Variants in NLGN4X observed in about 807,000 individuals in gnomAD.
NLGN4X encodes neuroligin 4 X-linked.
In NLGN4X, 3 loss-of-function variants were observed where a neutral mutation model predicts 40.3. The ratio of observed to expected loss-of-function variants is 0.07; its 90% CI spans 0.03 to 0.19. The LOEUF is 0.19. Ranked by LOEUF, NLGN4X falls within the 10% of genes least tolerant of loss-of-function variation. The pLI is 1.00. For synonymous variants in NLGN4X, 270 were observed against 306.8 expected (o/e 0.88, Z 1.25); for missense variants, 382 against 708.3 (o/e 0.54, Z 5.23).
At chrX:6,198,580 A>G (rs1323481046) in intron 1 of NLGN4X, among the ~76,000 whole-genome samples, 1 of 112,104 alleles carries the variant, frequency 8.9e-6, no homozygotes, top group Non-Finnish European at 1.9e-5. Context: ...GGAGCGCATC[A>G]TTAAGGCAAG....
chrX:6,212,223 C>T (rs1413556187), intron 1 of NLGN4X, among the ~76,000 whole-genome samples: 5 of 102,768 alleles, frequency 4.9e-5, no homozygotes, highest in Non-Finnish European at 7.9e-5. Flanking sequence ...CCAGCCTGGG[C>T]GACAGAGCAA....
At chrX:5,941,370 A>C (rs1305270217) in intron 3 of NLGN4X, among the ~76,000 whole-genome samples, 2 of 111,302 alleles carry the variant, frequency 1.8e-5, no homozygotes, top group Non-Finnish European at 1.9e-5. Flanking sequence ...TCCATGGATC[A>C]GATTGCTTCT....
At chrX:6,014,221 G>A (rs1303715441) in intron 3 of NLGN4X, among the ~76,000 whole-genome samples, 2 of 110,778 alleles carry the variant, frequency 1.8e-5, no homozygotes, top group Non-Finnish European at 3.8e-5. Context: ...CTTAAGATGA[G>A]AACTTAACCC....
At chrX:5,949,296 C>T (rs1460892836) in intron 3 of NLGN4X, among the ~76,000 whole-genome samples, 2 of 111,984 alleles carry the variant, frequency 1.8e-5, no homozygotes, top group Admixed American at 1.9e-4. Flanking sequence ...TGGAAGAGCA[C>T]ACTACACTAA....
chrX:5,913,911 A>G (rs2032640326), intron 3 of NLGN4X, among the ~76,000 whole-genome samples: 1 of 111,576 alleles, frequency 9.0e-6, no homozygotes, highest in African/African-American at 3.3e-5. Flanking sequence ...TGGTTTTATA[A>G]ATGGCAGTTC....
In NLGN4X at chrX:6,172,797, ATAAG is replaced by A. The variant is rs1489882736; in HGVS notation, c.-305-21030_-305-21027del. Among the ~76,000 whole-genome samples the A allele has an allele frequency of 4.5e-5, 5 of 112,215 alleles. No homozygotes were observed. In the East Asian group the frequency reaches 1.4e-3, roughly 31 times the overall value. On this transcript the variant is annotated intron_variant, in intron 1 of 5. Transcript: ENST00000381095. Reference sequence around the variant, plus strand: ...AGCAGGTGAACATATTGTACAGTAAATAAGTAATAGGCCCAAATGGCCTCCAAAT... The same window carrying A: ...AGCAGGTGAACATATTGTACAGTAAATAATAGGCCCAAATGGCCTCCAAAT...
At position 6,004,542 on chromosome X, in the gene NLGN4X, AG is replaced by A. The variant is rs757226900; in HGVS notation, c.625+24737del. Among the ~76,000 whole-genome samples, 15 of 112,359 alleles carry A rather than the reference AG, an allele frequency of 1.3e-4. No homozygotes were observed. The East Asian group carries it at 3.6e-3, about 27-fold the overall frequency. On this transcript the variant is annotated intron_variant, in intron 3 of 5. Transcript: ENST00000381095. ...CACAGAAATAGTACAAGTTATAGAG[AG>A]GAAATGAAAACGAAATGTTTCATTT...
chrX:6,041,346 C>T (rs1380282600), intron 2 of NLGN4X, among the ~76,000 whole-genome samples: 2 of 111,747 alleles, frequency 1.8e-5, no homozygotes, highest in Admixed American at 9.5e-5. Context: ...TTGAGATGCT[C>T]GGCTTTGAGA....
At chrX:6,220,198 C>T (rs147026068) in intron 1 of NLGN4X, among the ~76,000 whole-genome samples, 3 of 111,007 alleles carry the variant, frequency 2.7e-5, no homozygotes, top group African/African-American at 9.8e-5. Flanking sequence ...CAAACTCTAC[C>T]ACCCCTCACA....
At position 6,151,142 on chromosome X, in the gene NLGN4X, C is replaced by T; in HGVS notation, c.325G>A (p.Val109Met). The change falls in exon 2 of 6, where the codon GTG (valine) becomes ATG (methionine). Residue 109 changes from valine to methionine, a missense_variant. Val to Met is a conservative substitution (Grantham distance 21). Coordinates refer to ENST00000381095, the MANE Select transcript of NLGN4X (RefSeq NM_181332.3). ...CTCTCATCCAGGTGCTGGGGGCACA[C>T]AGCAGCAAACTGAGTAGTATTTCGG... ...GIRNTTQFAA[V>M]CPQHLDERSL... 1 of 1,211,612 alleles carries T rather than the reference C, an allele frequency of 8.3e-7. No individual in the cohort carries two copies. Among genetic ancestry groups the T allele is most frequent in the Non-Finnish European group, 1.1e-6 (1 of 895,419 alleles).
intron 1 of NLGN4X, among the ~76,000 whole-genome samples, chrX:6,201,994 G>C (rs1389190829): frequency 1.8e-5 from 2 of 111,734 alleles, no homozygotes; most frequent in Non-Finnish European, 3.8e-5. Flanking sequence ...TAACTGCAAA[G>C]GCAGGAGGAA....
At chrX:5,926,535 G>A (rs752966886) in intron 3 of NLGN4X, among the ~76,000 whole-genome samples, 21 of 110,196 alleles carry the variant, frequency 1.9e-4, no homozygotes, top group African/African-American at 3.3e-4. Context: ...AGGAAAATGC[G>A]ATCGTGGCCT....
chrX:6,167,125 G>C (rs1330913942), intron 1 of NLGN4X, among the ~76,000 whole-genome samples: 1 of 108,272 alleles, frequency 9.2e-6, no homozygotes, highest in Non-Finnish European at 1.9e-5. Flanking sequence ...CCACCAGGAG[G>C]TCTTGCCTAG....
intron 1 of NLGN4X, among the ~76,000 whole-genome samples, chrX:6,178,988 A>T: frequency 9.2e-6 from 1 of 109,157 alleles, no homozygotes; most frequent in Non-Finnish European, 1.9e-5. Context: ...GTCCCAGGAG[A>T]GGCTGAGGTG....
chrX:6,219,962 T>A (rs949954885), intron 1 of NLGN4X, among the ~76,000 whole-genome samples: 7 of 111,164 alleles, frequency 6.3e-5, no homozygotes, highest in Non-Finnish European at 1.9e-5. Flanking sequence ...AATGCATACA[T>A]AAAGCAGATT....
rs1252619797 is a variant in NLGN4X at position 5,967,814 on chromosome X, A to G, written c.626-58575T>C. ...AAGGTTACTTCCTGTAATATTTACA[A>G]TGCTGGTCCTGTGATACCAAGCCCC... On this transcript the variant is annotated intron_variant, in intron 3 of 5. Coordinates refer to ENST00000381095, the MANE Select transcript of NLGN4X (RefSeq NM_181332.3). Among the ~76,000 whole-genome samples the G allele has an allele frequency of 3.6e-5, 4 of 111,002 alleles. 1 individual carries two copies. The highest frequency in any genetic ancestry group is 7.6e-5 in the Non-Finnish European group (4 of 52,945).
At chrX:6,117,056 G>A (rs1218152524) in intron 2 of NLGN4X, among the ~76,000 whole-genome samples, 1 of 111,091 alleles carries the variant, frequency 9.0e-6, no homozygotes, top group East Asian at 2.8e-4. Flanking sequence ...ATGCACTAAT[G>A]GGATTAGCCG....
At chrX:6,218,903 A>G (rs1227158973) in intron 1 of NLGN4X, among the ~76,000 whole-genome samples, 1 of 108,664 alleles carries the variant, frequency 9.2e-6, no homozygotes, top group Non-Finnish European at 1.9e-5. Context: ...TTTTCAGGAT[A>G]TAATTGAAGA....
At chrX:5,967,794 T>A (rs72627594) in intron 3 of NLGN4X, among the ~76,000 whole-genome samples, 18,790 of 110,518 alleles carry the variant, frequency 0.17, 1,202 homozygotes, top group East Asian at 0.27. Context: ...CAGGAAAGGT[T>A]ACTTCCTGTA....
Sources: gnomAD v4.1 joint callset for allele counts (sites outside exome capture counted in the v4.1 genomes callset) on GRCh38, gnomAD v4.1.1 for gene constraint, MANE v1.5 for transcripts, NCBI Gene and HGNC (gene_info 2026-07-23, HGNC 2026-07-21) for gene names.